Variants in ARFGAP3 observed in about 807,000 individuals in gnomAD.
ARFGAP3 encodes ADP-ribosylation factor GTPase-activating protein 3.
A neutral mutation model predicts 75.0 loss-of-function variants in ARFGAP3; 72 were observed. That is an observed-to-expected ratio of 0.96 (90% confidence interval 0.79 to 1.17). The LOEUF is 1.17. ARFGAP3 is among the 50% of genes most tolerant of loss of function. The probability of loss-of-function intolerance (pLI) is 0.00; values close to 1 mark genes in which losing one functional copy is unlikely to be tolerated. For synonymous variants in ARFGAP3, 221 were observed against 217.9 expected (o/e 1.01, Z -0.13); for missense variants, 620 against 626.6 (o/e 0.99, Z 0.11).
At chr22:42,845,525 CAAA>C (rs34483025) in intron 2 of ARFGAP3, among the ~76,000 whole-genome samples, 1 of 110,536 alleles carries the variant, frequency 9.0e-6, no homozygotes. Flanking sequence ...GACTCCATCT[CAAA>C]AAAAAAAAAA....
rs1186241788 is a variant in ARFGAP3, at chr22:42,796,853, C to T, written c.*735G>A. 6.6e-6 allele frequency: 1 copy of T among 152,066 alleles called. No homozygotes were observed. The highest frequency in any genetic ancestry group is 2.1e-4 in the South Asian group (1 of 4,832). 9.4% of individuals were successfully genotyped at this position (152,066 alleles called of 1,614,324 possible). Reference sequence around the variant, plus strand: ...CTCATTCCACTTTAACTCTGTATACCGTATTGATTTGTGATGAGATGATTT... The same window carrying T: ...CTCATTCCACTTTAACTCTGTATACTGTATTGATTTGTGATGAGATGATTT... On this transcript the variant is annotated 3_prime_UTR_variant, in exon 16 of 16. Transcript: ENST00000263245.
At chr22:42,835,964 A>G (rs1926502109) in intron 3 of ARFGAP3, among the ~76,000 whole-genome samples, 1 of 149,822 alleles carries the variant, frequency 6.7e-6, no homozygotes, top group Admixed American at 6.8e-5. Flanking sequence ...TTAATTCACG[A>G]GCAATCCATT....
Position 42,810,861 on chromosome 22 carries a change from G to A in ARFGAP3, c.1148C>T (p.Thr383Ile). 1 of 1,614,156 alleles carries A rather than the reference G, an allele frequency of 6.2e-7. No individual in the cohort carries two copies. The highest frequency in any genetic ancestry group is 8.5e-7 in the Non-Finnish European group (1 of 1,180,038). Residue 383 changes from threonine to isoleucine, a missense_variant, in exon 12 of 16, where the codon ACC (threonine) becomes ATC (isoleucine). Thr to Ile is a moderately conservative substitution (Grantham distance 89). Transcript: ENST00000263245. ...CAGAACTGTTTCAGTATCTTTGCTG[G>A]TCTCTTTTTTCCAATAGGAATCTGA... Reference protein sequence around the residue: ...DSSDSYWKKETSKDTETVLKT... With the variant: ...DSSDSYWKKEISKDTETVLKT...
intron 13 of ARFGAP3, among the ~76,000 whole-genome samples, chr22:42,808,228 T>G (rs1925211933): frequency 6.6e-6 from 1 of 151,760 alleles, no homozygotes; most frequent in African/African-American, 2.4e-5. Context: ...TGAAACCTCA[T>G]CTCTACTAAA....
intron 12 of ARFGAP3, 149 bp from the exon 13 acceptor site, chr22:42,809,039 A>G: frequency 1.0e-6 from 1 of 976,676 alleles, no homozygotes. Context: ...TTCTAATTAA[A>G]AAAAAAAGAA....
intron 13 of ARFGAP3, among the ~76,000 whole-genome samples, chr22:42,808,123 C>T (rs905434389): frequency 2.0e-4 from 31 of 151,664 alleles, no homozygotes; most frequent in African/African-American, 3.6e-4. Context: ...TCTGGCTGGG[C>T]GTGGTGGCTC....
At chr22:42,806,231 C>T (rs1241043547) in intron 14 of ARFGAP3, among the ~76,000 whole-genome samples, 6 of 151,724 alleles carry the variant, frequency 4.0e-5, no homozygotes, top group African/African-American at 9.8e-5. Flanking sequence ...CCTCAGAGGA[C>T]GCTGCCCCTT....
chr22:42,847,445 A>G, intron 2 of ARFGAP3, 69 bp downstream of exon 2: 1 of 1,392,768 alleles, frequency 7.2e-7, no homozygotes, highest in African/African-American at 1.5e-5. Flanking sequence ...AAAAGAAAAG[A>G]AAAAAGGGAA....
chr22:42,822,539 T>A, intron 8 of ARFGAP3, 130 bp from the exon 9 acceptor site: 1 of 1,089,408 alleles, frequency 9.2e-7, no homozygotes, highest in Non-Finnish European at 1.3e-6. Context: ...TGTGGCTTAG[T>A]CCTCAGAACT....
chr22:42,844,666 G>A (rs1926933535), intron 2 of ARFGAP3, among the ~76,000 whole-genome samples: 1 of 151,694 alleles, frequency 6.6e-6, no homozygotes, highest in Non-Finnish European at 1.5e-5. Flanking sequence ...CTCCCAAAGT[G>A]CTGGGATTAC....
chr22:42,820,712 T>C (rs913472146), intron 9 of ARFGAP3, among the ~76,000 whole-genome samples: 7 of 152,114 alleles, frequency 4.6e-5, no homozygotes, highest in African/African-American at 1.7e-4. Context: ...TCCAGGTTAC[T>C]TTTCCTTTCT....
chr22:42,802,226 T>C (rs1442481908), intron 14 of ARFGAP3, among the ~76,000 whole-genome samples: 2 of 151,682 alleles, frequency 1.3e-5, no homozygotes, highest in Non-Finnish European at 2.9e-5. Context: ...ATCATATGGG[T>C]CTATGGTGTG....
At chr22:42,839,303 A>C (rs995600458) in intron 3 of ARFGAP3, among the ~76,000 whole-genome samples, 1 of 152,186 alleles carries the variant, frequency 6.6e-6, no homozygotes, top group East Asian at 1.9e-4. Flanking sequence ...AAAGACATGA[A>C]GAATGGGTTT....
chr22:42,805,772 C>T (rs1004430325), intron 14 of ARFGAP3, among the ~76,000 whole-genome samples: 2 of 152,230 alleles, frequency 1.3e-5, no homozygotes, highest in African/African-American at 4.8e-5. Context: ...GGCACCCTCA[C>T]ACTCTCACTG....
chr22:42,797,368 G>A lies in ARFGAP3; in HGVS notation c.*220C>T, dbSNP rs1924648361. ...GGATATACACAGAGACGCCAAAGGA[G>A]GGTGTGACAGGAAGGAACGTGAAAC... On this transcript the variant is annotated 3_prime_UTR_variant, in exon 16 of 16. Transcript: ENST00000263245. 8 of 612,646 alleles carry A rather than the reference G, an allele frequency of 1.3e-5. No homozygotes were observed. Among genetic ancestry groups the A allele is most frequent in the Non-Finnish European group, 2.3e-5 (8 of 350,784 alleles). The allele number at this position is 612,646 out of a possible 1,614,324, so 38.0% of individuals were successfully genotyped here. A position where few individuals can be genotyped will look rare whatever the true frequency, so the allele number is the denominator to read the frequency against.
At chr22:42,835,218 C>T (rs773500574) in intron 4 of ARFGAP3, 144 bp downstream of exon 4, 1 of 887,082 alleles carries the variant, frequency 1.1e-6, no homozygotes. Context: ...CAGAACATAA[C>T]TACTTCAATA....
At position 42,822,256 on chromosome 22, in the gene ARFGAP3, G is replaced by A. The variant is rs201083763; in HGVS notation, c.812+14C>T. The stretch of plus-strand genomic sequence containing the variant: ...TTCCCTGAAAATGTATTAATATAAT[G>A]AAATTAAACTTACATTGATTCTTCT... On this transcript the variant is annotated intron_variant, in intron 9 of 15. Transcript: ENST00000263245. 2 of 1,580,630 alleles carry A rather than the reference G, an allele frequency of 1.3e-6. No homozygotes were observed. The highest frequency in any genetic ancestry group is 1.7e-6 in the Non-Finnish European group (2 of 1,159,298).
At chr22:42,824,356 T>C (rs1925948343) in intron 7 of ARFGAP3, among the ~76,000 whole-genome samples, 2 of 151,752 alleles carry the variant, frequency 1.3e-5, no homozygotes, top group Admixed American at 1.3e-4. Context: ...TTAAAACACT[T>C]AAAAATCTAA....
At chr22:42,840,893 A>C in intron 3 of ARFGAP3, 51 bp downstream of exon 3, 3 of 1,580,654 alleles carry the variant, frequency 1.9e-6, no homozygotes, top group Non-Finnish European at 1.7e-6. Flanking sequence ...CTATTATAGC[A>C]TAACAAATAT....
Sources: gnomAD v4.1 joint callset for allele counts (sites outside exome capture counted in the v4.1 genomes callset) on GRCh38, gnomAD v4.1.1 for gene constraint, MANE v1.5 for transcripts, NCBI Gene and HGNC (gene_info 2026-07-23, HGNC 2026-07-21) for gene names.